COL4A3: variants seen among roughly 807,000 people sequenced by gnomAD.
The protein encoded by COL4A3 is collagen alpha-3(IV) chain.
A neutral mutation model predicts 217.4 loss-of-function variants in COL4A3; 135 were observed. That is an observed-to-expected ratio of 0.62 (90% CI 0.54 to 0.72). The LOEUF (loss-of-function observed/expected upper bound fraction) is 0.72, where lower values mean the gene tolerates loss of function less well. COL4A3 is among the 30% of genes least tolerant of loss of function. The pLI is 0.00. For missense variants in COL4A3, 1,868 were observed against 2,119.9 expected, an observed-to-expected ratio of 0.88 and a Z score of 2.33; for synonymous variants, 690 against 736.3, an observed-to-expected ratio of 0.94 and a Z score of 1.02.
At chr2:227,297,581 T>A in intron 41 of COL4A3, 93 bp from the exon 42 acceptor site, 1 of 1,215,290 alleles carries the variant, frequency 8.2e-7, no homozygotes, top group East Asian at 2.5e-5. Context: ...CTGAACACTT[T>A]TAAGCAAAGT....
chr2:227,218,753 T>A (rs1002380380), intron 1 of COL4A3, among the ~76,000 whole-genome samples: 1 of 152,228 alleles, frequency 6.6e-6, no homozygotes, highest in African/African-American at 2.4e-5. Context: ...CTTGGAGACT[T>A]ATAAAAGATA....
intron 46 of COL4A3, among the ~76,000 whole-genome samples, chr2:227,304,595 C>T (rs1050248153): frequency 1.3e-5 from 2 of 152,212 alleles, no homozygotes; most frequent in Non-Finnish European, 2.9e-5. Flanking sequence ...AACCCCTCTA[C>T]ATATGCACAG....
At chr2:227,225,395 T>C (rs13396162) in intron 1 of COL4A3, among the ~76,000 whole-genome samples, 12,928 of 152,198 alleles carry the variant, frequency 0.085, 860 homozygotes, top group African/African-American at 0.18. Context: ...TTTTAAGAGG[T>C]AATGTTTTCT....
chr2:227,208,018 G>A (rs533743739), intron 1 of COL4A3, among the ~76,000 whole-genome samples: 105 of 88,262 alleles, frequency 1.2e-3, no homozygotes, highest in African/African-American at 4.2e-3. Flanking sequence ...CTCTCCCCCC[G>A]CCCCCCCACA....
Position 227,307,783 on chromosome 2 carries a change from A to C in COL4A3, c.4326A>C (p.Thr1442=). The C allele has an allele frequency of 6.2e-7, 1 of 1,614,184 alleles. No individual in the cohort carries two copies. Among genetic ancestry groups the C allele is most frequent in the Non-Finnish European group, 8.5e-7 (1 of 1,180,004 alleles). The change falls in exon 48 of 52, where the codon ACA becomes ACC. Residue 1442 remains threonine, a synonymous_variant. Coordinates refer to ENST00000396578, the MANE Select transcript of COL4A3 (RefSeq NM_000091.5). ...ACAGTGGATCACCTGCAACCTGGAC[A>C]ACGAGAGGCTTTGTCTTCACCCGAC... ...RGDSGSPATW[T]TRGFVFTRHS...
intron 17 of COL4A3, among the ~76,000 whole-genome samples, chr2:227,256,790 T>C (rs2070207610): frequency 6.6e-6 from 1 of 152,232 alleles, no homozygotes; most frequent in Non-Finnish European, 1.5e-5. Flanking sequence ...TTGTGAACTG[T>C]ATTCTGCCCT....
intron 1 of COL4A3, among the ~76,000 whole-genome samples, chr2:227,192,969 A>G (rs1442562847): frequency 6.6e-6 from 1 of 152,222 alleles, no homozygotes. Flanking sequence ...TCAGCATAAA[A>G]TCACTCTATC....
intron 1 of COL4A3, among the ~76,000 whole-genome samples, chr2:227,166,878 C>A (rs2065297607): frequency 6.6e-6 from 1 of 152,170 alleles, no homozygotes; most frequent in Non-Finnish European, 1.5e-5. Context: ...GTTGACCACT[C>A]TGAGCCTCAG....
intron 27 of COL4A3, among the ~76,000 whole-genome samples, chr2:227,277,057 C>T (rs779993210): frequency 4.6e-5 from 7 of 152,128 alleles, no homozygotes; most frequent in Admixed American, 6.5e-5. Flanking sequence ...CGGTGGCTCA[C>T]GCCTGTAATC....
At chr2:227,198,733 A>G (rs1485609064) in intron 1 of COL4A3, among the ~76,000 whole-genome samples, 1 of 152,204 alleles carries the variant, frequency 6.6e-6, no homozygotes, top group Non-Finnish European at 1.5e-5. Flanking sequence ...CAGTGAGGTA[A>G]GTTTTAACAA....
At chr2:227,310,427 T>C (rs2106293354) in intron 50 of COL4A3, among the ~76,000 whole-genome samples, 1 of 152,220 alleles carries the variant, frequency 6.6e-6, no homozygotes, top group East Asian at 1.9e-4. Flanking sequence ...AGCAATTCTC[T>C]TGCCTCAGCC....
At chr2:227,295,233 G>T in intron 40 of COL4A3, 36 bp from the exon 41 acceptor site, 1 of 1,606,762 alleles carries the variant, frequency 6.2e-7, no homozygotes, top group South Asian at 1.1e-5. Context: ...TAATGAAATT[G>T]ACCAATTATT....
chr2:227,291,031 A>G (rs999052939), intron 37 of COL4A3, 145 bp downstream of exon 37: 2 of 954,834 alleles, frequency 2.1e-6, no homozygotes, highest in Non-Finnish European at 3.2e-6. Flanking sequence ...TTAAAATCCT[A>G]TCTCCACAAC....
rs1306068642 is a variant in COL4A3, at chr2:227,164,667, G to A, written c.-60G>A. 3 of 1,528,716 alleles carry A rather than the reference G, an allele frequency of 2.0e-6. No individual in the cohort carries two copies. The highest frequency in any genetic ancestry group is 2.8e-5 in the African/African-American group (2 of 72,302). The allele number at this position is 1,528,716 out of a possible 1,614,324, so 94.7% of individuals were successfully genotyped here. On this transcript the variant is annotated 5_prime_UTR_variant, in exon 1 of 52. Coordinates refer to ENST00000396578, the MANE Select transcript of COL4A3 (RefSeq NM_000091.5). This position sits in a 1 kb window ranked among gnomAD's most constrained non-coding sequence, Gnocchi z 4.8. Reference sequence around the variant, plus strand: ...CCCAGAGCCGCGCTGCGCAGGAGACGCGGTGGCCTGAGAGCCTGAGGGTCC... The same window carrying A: ...CCCAGAGCCGCGCTGCGCAGGAGACACGGTGGCCTGAGAGCCTGAGGGTCC...
At chr2:227,194,330 A>G (rs2066386519) in intron 1 of COL4A3, among the ~76,000 whole-genome samples, 1 of 152,184 alleles carries the variant, frequency 6.6e-6, no homozygotes, top group African/African-American at 2.4e-5. Flanking sequence ...TCCTGGATCT[A>G]AGAAAGAGAG....
chr2:227,291,913 AG>A (rs1372494671), intron 37 of COL4A3, among the ~76,000 whole-genome samples: 2 of 152,226 alleles, frequency 1.3e-5, no homozygotes, highest in African/African-American at 4.8e-5. Context: ...TCACACTAAA[AG>A]CCAGAGATAG....
At chr2:227,311,567 A>G (rs1381037038) in intron 51 of COL4A3, among the ~76,000 whole-genome samples, 1 of 152,072 alleles carries the variant, frequency 6.6e-6, no homozygotes, top group Non-Finnish European at 1.5e-5. Context: ...TTTAGTAGAG[A>G]TTGGGTTTCA....
chr2:227,293,789 T>TCTTGTGGGGCCCCTGTTCTTGG (rs1252264030), intron 38 of COL4A3: 3 of 471,084 alleles, frequency 6.4e-6, no homozygotes, highest in African/African-American at 6.0e-5. Flanking sequence ...AGCGTTGGTT[T>TCTTGTGGGGCCCCTGTTCTTGG]CTTGTGGGGC....
chr2:227,245,532 G>C (rs757085950), intron 5 of COL4A3, among the ~76,000 whole-genome samples: 7 of 152,076 alleles, frequency 4.6e-5, no homozygotes, highest in Non-Finnish European at 8.8e-5. Context: ...ACCCCCACAG[G>C]TGCTGAAGGA....
Sources: gnomAD v4.1 joint callset for allele counts (sites outside exome capture counted in the v4.1 genomes callset) on GRCh38, gnomAD v4.1.1 for gene constraint, Gnocchi (gnomAD v3.1) non-coding constraint, MANE v1.5 for transcripts, NCBI Gene and HGNC (gene_info 2026-07-23, HGNC 2026-07-21) for gene names.